HCN1: variants seen among roughly 807,000 people sequenced by gnomAD.
The protein encoded by HCN1 is potassium/sodium hyperpolarization-activated cyclic nucleotide-gated channel 1.
In HCN1, 13 loss-of-function variants were observed where a neutral mutation model predicts 78.9. The ratio of observed to expected loss-of-function variants is 0.16; its 90% confidence interval spans 0.11 to 0.26. The LOEUF (loss-of-function observed/expected upper bound fraction) is 0.26, where lower values mean the gene tolerates loss of function less well. Ranked by LOEUF, HCN1 falls within the 10% of genes least tolerant of loss-of-function variation. The pLI is 1.00. For missense variants in HCN1, 810 were observed against 1,154.3 expected, an observed-to-expected ratio of 0.70 and a Z score of 4.32; for synonymous variants, 552 against 455.5, an observed-to-expected ratio of 1.21 and a Z score of -2.70.
intron 2 of HCN1, among the ~76,000 whole-genome samples, chr5:45,632,834 TG>T (rs1482042007): frequency 6.6e-6 from 1 of 151,922 alleles, no homozygotes; most frequent in African/African-American, 2.4e-5. Context: ...AAATAGAAGC[TG>T]GGGGGTACAA....
At chr5:45,342,067 C>T (rs1746594387) in intron 5 of HCN1, among the ~76,000 whole-genome samples, 1 of 152,054 alleles carries the variant, frequency 6.6e-6, no homozygotes, top group Non-Finnish European at 1.5e-5. Flanking sequence ...ATTCCCAGGA[C>T]CCTCAATTCT....
At chr5:45,680,455 C>A (rs1739682341) in intron 1 of HCN1, among the ~76,000 whole-genome samples, 1 of 152,018 alleles carries the variant, frequency 6.6e-6, no homozygotes, top group Non-Finnish European at 1.5e-5. Flanking sequence ...AGATTTGCAT[C>A]CCAAAATGTT....
At chr5:45,639,029 G>GT (rs1404458173) in intron 2 of HCN1, among the ~76,000 whole-genome samples, 3 of 152,102 alleles carry the variant, frequency 2.0e-5, no homozygotes, top group African/African-American at 7.2e-5. Flanking sequence ...ACTAATAATT[G>GT]TTTAGAGACG....
At chr5:45,629,541 A>G (rs1745233025) in intron 2 of HCN1, among the ~76,000 whole-genome samples, 1 of 152,138 alleles carries the variant, frequency 6.6e-6, no homozygotes. Flanking sequence ...AAAGAATCCT[A>G]AAGTAGTTAA....
At chr5:45,492,157 A>G (rs956013002) in intron 2 of HCN1, among the ~76,000 whole-genome samples, 1 of 151,926 alleles carries the variant, frequency 6.6e-6, no homozygotes, top group Non-Finnish European at 1.5e-5. Context: ...TCTAGCTATC[A>G]TATCCAGCAT....
chr5:45,288,485 A>G (rs1579781619), intron 6 of HCN1, among the ~76,000 whole-genome samples: 1 of 152,110 alleles, frequency 6.6e-6, no homozygotes, highest in East Asian at 1.9e-4. Context: ...GTCTGTCTTA[A>G]TAATCTCATT....
At chr5:45,643,593 C>T (rs1745494922) in intron 2 of HCN1, 1 of 152,060 alleles carries the variant, frequency 6.6e-6, no homozygotes, top group Non-Finnish European at 1.5e-5. Flanking sequence ...AGCACTGGCT[C>T]CTGAGTCTGA....
chr5:45,349,505 G>A (rs1579830655), intron 5 of HCN1, among the ~76,000 whole-genome samples: 1 of 151,990 alleles, frequency 6.6e-6, no homozygotes. Flanking sequence ...CTAGCAGAAG[G>A]CAAGAAATAA....
intron 2 of HCN1, among the ~76,000 whole-genome samples, chr5:45,493,929 C>T (rs1445240739): frequency 6.6e-6 from 1 of 152,044 alleles, no homozygotes; most frequent in Admixed American, 6.6e-5. Flanking sequence ...AGGACATGAA[C>T]TCATCATTTT....
intron 1 of HCN1, among the ~76,000 whole-genome samples, chr5:45,682,001 T>A (rs770808587): frequency 5.3e-5 from 8 of 151,934 alleles, no homozygotes; most frequent in Non-Finnish European, 1.0e-4. Context: ...GATTAGGTCA[T>A]GAGGATAGAG....
rs1456531273 is a variant in HCN1 at position 45,257,340 on chromosome 5, G to A, written c.*4581C>T. 6.6e-6 allele frequency: 1 copy of A among 152,150 alleles called. No homozygotes were observed. Among genetic ancestry groups the A allele is most frequent in the Non-Finnish European group, 1.5e-5 (1 of 68,036 alleles). The allele number at this position is 152,150 out of a possible 1,614,324, so 9.4% of individuals were successfully genotyped here. On this transcript the variant is annotated 3_prime_UTR_variant, in exon 8 of 8. Transcript: ENST00000303230. Reference sequence around the variant, plus strand: ...ATTGAACTGCCAGTGTTCCCAATCAGCTGTGCTCTGTTAAACATCCACATT... The same window carrying A: ...ATTGAACTGCCAGTGTTCCCAATCAACTGTGCTCTGTTAAACATCCACATT...
intron 2 of HCN1, among the ~76,000 whole-genome samples, chr5:45,560,487 T>G (rs992547450): frequency 1.3e-5 from 2 of 151,980 alleles, no homozygotes; most frequent in Admixed American, 6.6e-5. Context: ...AGATTAACCA[T>G]TAAATCTTTG....
intron 2 of HCN1, among the ~76,000 whole-genome samples, chr5:45,613,206 C>T (rs1048245601): frequency 9.7e-5 from 14 of 143,968 alleles, no homozygotes; most frequent in African/African-American, 3.1e-4. Context: ...TTCCTGTGTC[C>T]ATGTGATCTC....
At chr5:45,503,946 C>A (rs1474305279) in intron 2 of HCN1, among the ~76,000 whole-genome samples, 1 of 151,918 alleles carries the variant, frequency 6.6e-6, no homozygotes, top group African/African-American at 2.4e-5. Flanking sequence ...CCACCACACC[C>A]AGCTAATTTT....
At chr5:45,678,241 A>C (rs1034811341) in intron 1 of HCN1, among the ~76,000 whole-genome samples, 8 of 151,926 alleles carry the variant, frequency 5.3e-5, no homozygotes, top group Non-Finnish European at 7.4e-5. Context: ...ACCAGAAGGA[A>C]CAGTCTCAGA....
intron 5 of HCN1, among the ~76,000 whole-genome samples, chr5:45,315,941 A>C (rs1388826967): frequency 2.0e-5 from 3 of 152,168 alleles, no homozygotes; most frequent in Non-Finnish European, 4.4e-5. Flanking sequence ...CAACCAAAAA[A>C]AGTACAGGAC....
chr5:45,649,669 A>G (rs115542052), intron 1 of HCN1, among the ~76,000 whole-genome samples: 1,916 of 151,856 alleles, frequency 0.013, 40 homozygotes, highest in African/African-American at 0.044. Flanking sequence ...TGTTTCTTCC[A>G]TCATTACTGA....
At chr5:45,288,576 T>A (rs1034111784) in intron 6 of HCN1, among the ~76,000 whole-genome samples, 24 of 152,050 alleles carry the variant, frequency 1.6e-4, no homozygotes, top group African/African-American at 4.3e-4. Flanking sequence ...CCTGGCTCTG[T>A]GGATGCTGAG....
chr5:45,665,970 T>C (rs1276379384), intron 1 of HCN1, among the ~76,000 whole-genome samples: 1 of 152,064 alleles, frequency 6.6e-6, no homozygotes, highest in Non-Finnish European at 1.5e-5. Flanking sequence ...TAAAATGTCT[T>C]CTGCACAACC....
Sources: allele counts gnomAD v4.1 joint callset (sites outside exome capture counted in the v4.1 genomes callset), GRCh38; gene constraint gnomAD v4.1.1; transcripts MANE v1.5; gene names NCBI Gene and HGNC (gene_info 2026-07-23, HGNC 2026-07-21).